Variants in ZNF28 observed in about 807,000 individuals in gnomAD.
ZNF28 encodes zinc finger protein KOX24.
ZNF28 carries 5 observed loss-of-function variants against 7.2 expected under a neutral mutation model. That is an observed-to-expected ratio of 0.70 (90% CI 0.36 to 1.46). The LOEUF is 1.46. Among genes scored for constraint, ZNF28 ranks in the 40% most tolerant of loss-of-function variants. The pLI is 0.03. For synonymous variants in ZNF28, 288 were observed against 292.4 expected (o/e 0.99, Z 0.15); for missense variants, 879 against 866.6 (o/e 1.01, Z -0.18).
At position 52,799,038 on chromosome 19, in the gene ZNF28, G is replaced by T; in HGVS notation, c.*650C>A. On this transcript the variant is annotated 3_prime_UTR_variant, in exon 4 of 4. Coordinates refer to ENST00000457749, the MANE Select transcript of ZNF28 (RefSeq NM_006969.5). ...CATTTGTATGTTTTTTCTCCAGTATGAATTCTCCTGTCTTTCAAGCTGTGA... is the reference window on the plus strand; with the variant it reads ...CATTTGTATGTTTTTTCTCCAGTATTAATTCTCCTGTCTTTCAAGCTGTGA... 2 of 568,318 alleles carry T rather than the reference G, an allele frequency of 3.5e-6. No individual in the cohort carries two copies. Among genetic ancestry groups the T allele is most frequent in the South Asian group, 1.9e-5 (1 of 52,222 alleles). The allele number at this position is 568,318 out of a possible 1,614,324, so 35.2% of individuals were successfully genotyped here. A position where few individuals can be genotyped will look rare whatever the true frequency, so the allele number is the denominator to read the frequency against.
At chr19:52,810,871 C>G (rs2063018744) in intron 2 of ZNF28, among the ~76,000 whole-genome samples, 1 of 7,474 alleles carries the variant, frequency 1.3e-4, no homozygotes, top group African/African-American at 7.8e-4. Context: ...CCCTCCCCCT[C>G]CCCCTCCCCC....
At chr19:52,816,834 AAATAATAATAATAAT>A (rs34015590) in intron 2 of ZNF28, among the ~76,000 whole-genome samples, 10 of 138,402 alleles carry the variant, frequency 7.2e-5, no homozygotes, top group East Asian at 2.1e-4. Flanking sequence ...CCGTTTCAGA[AAATAATAATAATAAT>A]AATAATAATA....
chr19:52,801,051 T>G lies in ZNF28; in HGVS notation c.794A>C (p.His265Pro), dbSNP rs2062862258. ...ACACTTGTAAGGTTTCTCATCAATGTGAGATCTACGATGGCATGCAAGGTA... is the reference window on the plus strand; with the variant it reads ...ACACTTGTAAGGTTTCTCATCAATGGGAGATCTACGATGGCATGCAAGGTA... ...KRYLACHRRS[H>P]IDEKPYKCNE... is the part of the protein sequence containing the mutation. Residue 265 changes from histidine (H) to proline (P), a missense_variant, in exon 4 of 4, where the codon CAC becomes CCC. This residue lies in a region of ZNF28 where 864 missense variants were observed against 830.2 expected (regional missense o/e 1.04). Transcript: ENST00000457749. 1 of 1,614,070 alleles carries G rather than the reference T, an allele frequency of 6.2e-7. No individual in the cohort carries two copies. The highest frequency in any genetic ancestry group is 1.1e-5 in the South Asian group (1 of 91,086).
In ZNF28 at chr19:52,801,261, T is replaced by A. The variant is rs771225690; in HGVS notation, c.584A>T (p.Asn195Ile). ...TGTGAGTAATGAAGAATGGAGGGAA[T>A]TATTTCCATACTTATTAGAAATATG... is the stretch of plus-strand genomic sequence containing the variant. ...KTHISNKYGN[N>I]SLHSSLLTQK... is the part of the protein sequence containing the mutation. The change falls in exon 4 of 4, where the codon AAT (asparagine) becomes ATT (isoleucine). Residue 195 changes from asparagine (N) to isoleucine (I), a missense_variant. Asn to Ile is a moderately radical substitution (Grantham distance 149). Coordinates refer to ENST00000457749, the MANE Select transcript of ZNF28 (RefSeq NM_006969.5). 3 of 1,614,180 alleles carry A rather than the reference T, an allele frequency of 1.9e-6. No individual in the cohort carries two copies. Among genetic ancestry groups the A allele is most frequent in the South Asian group, 2.2e-5 (2 of 91,084 alleles).
rs2147689100 is a variant in ZNF28 at position 52,818,018 on chromosome 19, T to C, written c.-60A>G. The C allele has an allele frequency of 1.2e-6, 2 of 1,606,902 alleles. No homozygotes were observed. Among genetic ancestry groups the C allele is most frequent in the African/African-American group, 1.3e-5 (1 of 74,946 alleles). ...GTTTCTTCCTCACGTACCAAGATTCTTTAGAAGTCAATCCTGAATGTTAAA... is the reference window on the plus strand; with the variant it reads ...GTTTCTTCCTCACGTACCAAGATTCCTTAGAAGTCAATCCTGAATGTTAAA... On this transcript the variant is annotated 5_prime_UTR_variant, in exon 2 of 4. Coordinates refer to ENST00000457749, the MANE Select transcript of ZNF28 (RefSeq NM_006969.5).
chr19:52,819,398 C>CT (rs138200021), intron 1 of ZNF28, among the ~76,000 whole-genome samples: 82,814 of 135,376 alleles, frequency 0.61, 28,644 homozygotes, highest in Non-Finnish European at 0.71. Context: ...CATTCTATTG[C>CT]TTTTTTTTTT....
At chr19:52,817,467 A>G (rs1267551494) in intron 2 of ZNF28, among the ~76,000 whole-genome samples, 2 of 152,208 alleles carry the variant, frequency 1.3e-5, no homozygotes, top group African/African-American at 4.8e-5. Context: ...AGTCAGAAAC[A>G]CAGGAACTCA....
rs1568655862 is a variant in ZNF28, at chr19:52,810,884, CCCCTCCCCCTCCCCCT to C, written c.16-2767_16-2752del. ...CCCCCTCCCCCTCCCCCTCCCCCTCCCCCTCCCCCTCCCCCTCCCTCTCCCTCTCCCTCCACAGTCT... is the reference window on the plus strand; with the variant it reads ...CCCCCTCCCCCTCCCCCTCCCCCTCCCCCTCTCCCTCTCCCTCCACAGTCT... On this transcript the variant is annotated intron_variant, in intron 2 of 3. Transcript: ENST00000457749. 3.5e-3 allele frequency among the ~76,000 whole-genome samples: 111 copies of C among 32,032 alleles called. 2 individuals are homozygous for C. Among genetic ancestry groups the C allele is most frequent in the African/African-American group, 0.013 (103 of 7,734 alleles). 21.0% of individuals were successfully genotyped at this position (32,032 alleles called of 152,430 possible).
chr19:52,808,950 G>A (rs1263786829), intron 2 of ZNF28, among the ~76,000 whole-genome samples: 2 of 152,134 alleles, frequency 1.3e-5, no homozygotes, highest in African/African-American at 4.8e-5. Flanking sequence ...ATTTGTCCCA[G>A]ATTTTCAAAA....
chr19:52,800,228 T>A lies in ZNF28; in HGVS notation c.1617A>T (p.Ala539=), dbSNP rs751441745. 3 of 1,613,546 alleles carry A rather than the reference T, an allele frequency of 1.9e-6. No individual in the cohort carries two copies. Among genetic ancestry groups the A allele is most frequent in the Non-Finnish European group, 2.5e-6 (3 of 1,179,904 alleles). The change falls in exon 4 of 4, where the codon GCA becomes GCT. Residue 539 remains alanine, a synonymous_variant. Transcript: ENST00000457749. ...CTGCAGTATGAAGTTTATGATGACATGCAAGGTTTGCTTTTGTACTAAAAA... is the reference window on the plus strand; with the variant it reads ...CTGCAGTATGAAGTTTATGATGACAAGCAAGGTTTGCTTTTGTACTAAAAA... The part of the protein sequence containing the change: ...GKVFSTKANL[A]CHHKLHTAEK...
In ZNF28 at chr19:52,801,472, G is replaced by C; in HGVS notation, c.373C>G (p.Gln125Glu). 6.2e-7 allele frequency: 1 copy of C among 1,614,120 alleles called. No individual in the cohort carries two copies. Among genetic ancestry groups the C allele is most frequent in the Non-Finnish European group, 8.5e-7 (1 of 1,180,024 alleles). ...EIKELTGSTGQHDQRHAGNKH... is the reference protein window; with the variant it reads ...EIKELTGSTGEHDQRHAGNKH... Reference sequence around the variant, plus strand: ...TTTCCAGCATGCCTTTGATCATGTTGGCCTGTACTACCAGTCAACTCTTTG... The same window carrying C: ...TTTCCAGCATGCCTTTGATCATGTTCGCCTGTACTACCAGTCAACTCTTTG... The change falls in exon 4 of 4, where the codon CAA becomes GAA. Residue 125 changes from glutamine (Q) to glutamate (E), a missense_variant. Coordinates refer to ENST00000457749, the MANE Select transcript of ZNF28 (RefSeq NM_006969.5).
rs901062403 is a variant in ZNF28, at chr19:52,818,692, G to A, written c.-73-661C>T. Among the ~76,000 whole-genome samples, 6 of 134,262 alleles carry A rather than the reference G, an allele frequency of 4.5e-5. No homozygotes were observed. The East Asian group carries it at 9.9e-4, about 22-fold the overall frequency. 88.1% of individuals were successfully genotyped at this position (134,262 alleles called of 152,430 possible). Reference sequence around the variant, plus strand: ...ACTCCACTCCTGCCTGGGTGACAGAGTAAGACTCAAAAATAAAAAAATACA... The same window carrying A: ...ACTCCACTCCTGCCTGGGTGACAGAATAAGACTCAAAAATAAAAAAATACA... On this transcript the variant is annotated intron_variant, in intron 1 of 3. Coordinates refer to ENST00000457749, the MANE Select transcript of ZNF28 (RefSeq NM_006969.5).
intron 2 of ZNF28, among the ~76,000 whole-genome samples, chr19:52,815,945 G>A (rs765022033): frequency 6.8e-5 from 10 of 147,014 alleles, no homozygotes; most frequent in Admixed American, 1.4e-4. Flanking sequence ...AGCCCCAAAC[G>A]TAAAGTAAAA....
At chr19:52,808,212 G>A (rs1486697760) in intron 2 of ZNF28, 79 bp from the exon 3 acceptor site, 2 of 1,583,464 alleles carry the variant, frequency 1.3e-6, no homozygotes, top group Non-Finnish European at 8.6e-7. Context: ...GAGGGGGAAA[G>A]CATGGATTTA....
rs1476273574 is a variant in ZNF28 at position 52,808,043 on chromosome 19, C to T, written c.106G>A (p.Val36Met). 6.2e-7 allele frequency: 1 copy of T among 1,613,514 alleles called. No homozygotes were observed. Among genetic ancestry groups the T allele is most frequent in the East Asian group, 2.2e-5 (1 of 44,872 alleles). Reference protein sequence around the residue: ...DPAQRTLYRDVMLENYRNLVS... With the variant: ...DPAQRTLYRDMMLENYRNLVS... Reference sequence around the variant, plus strand: ...AGGTTCCTATAATTCTCCAGCATCACATCCCTGTAAAGAGTCCTCTGAGCA... The same window carrying T: ...AGGTTCCTATAATTCTCCAGCATCATATCCCTGTAAAGAGTCCTCTGAGCA... Residue 36 changes from valine (V) to methionine (M), a missense_variant, in exon 3 of 4, where the codon GTG becomes ATG. Around this residue, in one of 2 missense-constraint regions of ZNF28, gnomAD observed 864 missense variants for 830.2 expected, o/e 1.04. Transcript: ENST00000457749.
In ZNF28 at chr19:52,820,236, G is replaced by GC. The variant is rs1294514998; in HGVS notation, c.-74+1349dup. Among the ~76,000 whole-genome samples, 3 of 136,642 alleles carry GC rather than the reference G, an allele frequency of 2.2e-5. No homozygotes were observed. In the East Asian group the frequency reaches 6.3e-4, roughly 29 times the overall value. The allele number at this position is 136,642 out of a possible 152,430, so 89.6% of individuals were successfully genotyped here. ...GGGTTCACGCCATTCTCCTGCCTCAGCCTCCCGAGTAGCTGGGACTACAGG... is the reference window on the plus strand; with the variant it reads ...GGGTTCACGCCATTCTCCTGCCTCAGCCCTCCCGAGTAGCTGGGACTACAGG... On this transcript the variant is annotated intron_variant, in intron 1 of 3. Transcript: ENST00000457749.
Position 52,801,191 on chromosome 19 carries a change from A to C in ZNF28, c.654T>G (p.Ile218Met). Residue 218 changes from isoleucine to methionine, a missense_variant, in exon 4 of 4, where the codon ATT (isoleucine) becomes ATG (methionine). Physicochemically the swap from Ile to Met is conservative, Grantham distance 10. This residue lies in a region of ZNF28 where 864 missense variants were observed against 830.2 expected (regional missense o/e 1.04). Transcript: ENST00000457749. ...TACAATTAAAGGATTTGCCACTCTC[A>C]ATACATTGGAAAGATTTTTCTCTCA... ...VHMREKSFQC[I>M]ESGKSFNCSS... is the part of the protein sequence containing the mutation. 1 of 1,614,164 alleles carries C rather than the reference A, an allele frequency of 6.2e-7. No homozygotes were observed. The highest frequency in any genetic ancestry group is 8.5e-7 in the Non-Finnish European group (1 of 1,180,036).
In ZNF28 at chr19:52,810,355, T is replaced by C. The variant is rs950724458; in HGVS notation, c.16-2222A>G. On this transcript the variant is annotated intron_variant, in intron 2 of 3. Coordinates refer to ENST00000457749, the MANE Select transcript of ZNF28 (RefSeq NM_006969.5). ...GACTGCGGTGCAACAGCAGAAGAGC[T>C]GGAAGCTCACTTTCATGGCTGTGGT... The C allele has an allele frequency of 2.5e-6, 4 of 1,604,512 alleles. No individual in the cohort carries two copies. In the African/African-American group the frequency reaches 5.4e-5, roughly 21 times the overall value.
rs565762298 is a variant in ZNF28 at position 52,801,453 on chromosome 19, G to C, written c.392C>G (p.Ala131Gly). Residue 131 changes from alanine (A) to glycine (G), a missense_variant, in exon 4 of 4, where the codon GCT becomes GGT. Physicochemically the swap from Ala to Gly is moderately conservative, Grantham distance 60. Transcript: ENST00000457749. ...GSTGQHDQRHAGNKHIKDQLG... is the reference protein window; with the variant it reads ...GSTGQHDQRHGGNKHIKDQLG... ...CTGATCTTTAATATGCTTGTTTCCA[G>C]CATGCCTTTGATCATGTTGGCCTGT... 1 of 1,614,166 alleles carries C rather than the reference G, an allele frequency of 6.2e-7. No individual in the cohort carries two copies. The highest frequency in any genetic ancestry group is 1.7e-5 in the Admixed American group (1 of 60,018).
Sources: allele counts gnomAD v4.1 joint callset (sites outside exome capture counted in the v4.1 genomes callset), GRCh38; gene constraint gnomAD v4.1.1; regional missense constraint gnomAD v4.1.1; transcripts MANE v1.5; gene names NCBI Gene and HGNC (gene_info 2026-07-23, HGNC 2026-07-21).